PLXNA4: variants seen among roughly 807,000 people sequenced by gnomAD.
PLXNA4 encodes plexin-A4.
PLXNA4 carries 44 observed loss-of-function variants against 191.8 expected under a neutral mutation model. The observed-to-expected ratio is 0.23, with a 90% CI of 0.18 to 0.29. The LOEUF (loss-of-function observed/expected upper bound fraction) is 0.29. Ranked by LOEUF, PLXNA4 falls within the 10% of genes least tolerant of loss-of-function variation. The pLI, the probability that PLXNA4 is intolerant of heterozygous loss-of-function variation, is 1.00. For synonymous variants in PLXNA4, 1,082 were observed against 1,009.5 expected (o/e 1.07, Z -1.36); for missense variants, 1,800 against 2,488.8 (o/e 0.72, Z 5.89).
At chr7:132,411,396 T>C (rs147061993) in intron 3 of PLXNA4, among the ~76,000 whole-genome samples, 35 of 152,278 alleles carry the variant, frequency 2.3e-4, no homozygotes, top group Admixed American at 9.8e-4. Context: ...GACAAGACCA[T>C]AGCTGATGAA....
intron 3 of PLXNA4, among the ~76,000 whole-genome samples, chr7:132,392,076 T>C (rs1159815465): frequency 1.3e-5 from 2 of 151,602 alleles, no homozygotes; most frequent in Non-Finnish European, 2.9e-5. Context: ...TGCAGTGAGC[T>C]GAGATCACAC....
chr7:132,580,641 G>C (rs567299015), upstream of PLXNA4, among the ~76,000 whole-genome samples: 1 of 152,318 alleles, frequency 6.6e-6, no homozygotes, highest in South Asian at 2.1e-4. Context: ...AAAAGGACCA[G>C]TTTAATAGGA....
intron 3 of PLXNA4, among the ~76,000 whole-genome samples, chr7:132,341,201 A>T (rs1432396099): frequency 6.6e-6 from 1 of 152,200 alleles, no homozygotes; most frequent in Admixed American, 6.5e-5. Context: ...ACTAACACTG[A>T]ACAAGTTACT....
At position 132,449,578 on chromosome 7, in the gene PLXNA4, A is replaced by G. The variant is rs1396284045; in HGVS notation, c.1371+39714T>C. Among the ~76,000 whole-genome samples the G allele has an allele frequency of 3.9e-5, 6 of 152,246 alleles. No homozygotes were observed. In the East Asian group the frequency reaches 1.2e-3, roughly 29 times the overall value. On this transcript the variant is annotated intron_variant, in intron 3 of 31. Coordinates refer to ENST00000321063, the MANE Select transcript of PLXNA4 (RefSeq NM_020911.2). ...TACTCCCATAAAGGGGTGAGGAGGC[A>G]GAGGTACCTTATTTAGAAACCTGTC...
intron 2 of PLXNA4, among the ~76,000 whole-genome samples, chr7:132,605,215 G>C (rs142484407): frequency 1.3e-5 from 2 of 152,312 alleles, no homozygotes; most frequent in African/African-American, 2.4e-5. Context: ...GTTAGGAAAC[G>C]GCAGAGCTAA....
intron 2 of PLXNA4, among the ~76,000 whole-genome samples, chr7:132,597,425 T>C (rs551708918): frequency 5.9e-5 from 9 of 152,346 alleles, no homozygotes; most frequent in Middle Eastern, 3.4e-3. Context: ...ATGAAATATG[T>C]CTATGTCCTT....
chr7:132,179,603 T>G, intron 20 of PLXNA4, 84 bp downstream of exon 20: 1 of 1,536,278 alleles, frequency 6.5e-7, no homozygotes, highest in African/African-American at 1.4e-5. Flanking sequence ...ATGAAACATA[T>G]GCATACACAT....
At chr7:132,602,848 C>G (rs112115242) in intron 2 of PLXNA4, among the ~76,000 whole-genome samples, 4 of 152,108 alleles carry the variant, frequency 2.6e-5, no homozygotes, top group Non-Finnish European at 5.9e-5. Flanking sequence ...CTTCTCTACC[C>G]GTGGAAGAGT....
intron 4 of PLXNA4, among the ~76,000 whole-genome samples, chr7:132,273,126 T>C (rs1800138557): frequency 6.6e-6 from 1 of 152,172 alleles, no homozygotes. Flanking sequence ...CATAAAACGG[T>C]CATGAAGATG....
intron 3 of PLXNA4, among the ~76,000 whole-genome samples, chr7:132,337,458 C>T (rs1802862933): frequency 6.6e-6 from 1 of 152,208 alleles, no homozygotes; most frequent in Non-Finnish European, 1.5e-5. Flanking sequence ...TTGTTCAACA[C>T]AGGTGTGCAA....
chr7:132,503,060 G>A (rs1357727725), intron 2 of PLXNA4, among the ~76,000 whole-genome samples: 1 of 152,180 alleles, frequency 6.6e-6, no homozygotes, highest in Non-Finnish European at 1.5e-5. Flanking sequence ...CGCCTAATCA[G>A]TACTATGGCC....
At chr7:132,582,432 C>A (rs1802420126) in intron 2 of PLXNA4, among the ~76,000 whole-genome samples, 1 of 152,200 alleles carries the variant, frequency 6.6e-6, no homozygotes. Flanking sequence ...GGTATTCATG[C>A]CCTCATACAG....
chr7:132,556,390 C>T (rs1402753196), intron 1 of PLXNA4, among the ~76,000 whole-genome samples: 1 of 152,226 alleles, frequency 6.6e-6, no homozygotes, highest in African/African-American at 2.4e-5. Context: ...CAAAAACAGG[C>T]TGTATGGCTA....
chr7:132,552,606 C>T (rs529246449), intron 1 of PLXNA4, among the ~76,000 whole-genome samples: 3 of 152,224 alleles, frequency 2.0e-5, no homozygotes, highest in Non-Finnish European at 4.4e-5. Context: ...AGTCCTTCTG[C>T]AAGTGTGAGG....
In PLXNA4 at chr7:132,179,832, T is replaced by C. The variant is rs3734989; in HGVS notation, c.3729A>G (p.Ala1243=). The C allele has an allele frequency of 0.64, 1,026,052 of 1,612,576 alleles. 333,777 individuals carry two copies. The highest frequency in any genetic ancestry group is 0.93 in the African/African-American group (69,737 of 75,012). Residue 1243 remains alanine, a synonymous_variant, in exon 20 of 32, where the codon GCA becomes GCG. Coordinates refer to ENST00000321063, the MANE Select transcript of PLXNA4 (RefSeq NM_020911.2). ...AAATGATGAGGAGGCCGCCAGCCAC[T>C]GCGATGCTGACGATGGCGGGCAGGC... ...PLSLPAIVSI[A]VAGGLLIIFI...
At position 132,384,554 on chromosome 7, in the gene PLXNA4, C is replaced by T. The variant is rs548539046; in HGVS notation, c.1372-86332G>A. 5.7e-5 allele frequency: 56 copies of T among 987,840 alleles called. No homozygotes were observed. The East Asian group carries it at 5.0e-3, about 88-fold the overall frequency. 61.2% of individuals were successfully genotyped at this position (987,840 alleles called of 1,614,324 possible). On this transcript the variant is annotated intron_variant, in intron 3 of 31. Coordinates refer to ENST00000321063, the MANE Select transcript of PLXNA4 (RefSeq NM_020911.2). ...CACCAATTAACTTTTTTTGGGTGCT[C>T]TCCTGGACCAGATGCCAACAGAGCT...
chr7:132,343,031 T>C (rs1001337953), intron 3 of PLXNA4, among the ~76,000 whole-genome samples: 1 of 151,654 alleles, frequency 6.6e-6, no homozygotes, highest in Non-Finnish European at 1.5e-5. Flanking sequence ...CAGAAGTCCC[T>C]TTCCAAGATC....
chr7:132,563,146 TC>T (rs1563175604), intron 1 of PLXNA4, among the ~76,000 whole-genome samples: 1 of 76,918 alleles, frequency 1.3e-5, no homozygotes, highest in African/African-American at 4.8e-5. Flanking sequence ...CTTCTCCTCT[TC>T]CTCCTTCTCC....
intron 1 of PLXNA4, among the ~76,000 whole-genome samples, chr7:132,556,372 C>A (rs183715670): frequency 6.6e-6 from 1 of 152,224 alleles, no homozygotes; most frequent in Non-Finnish European, 1.5e-5. Flanking sequence ...AGGATCCACA[C>A]TGAGCTTCAA....
Sources: allele counts gnomAD v4.1 joint callset (sites outside exome capture counted in the v4.1 genomes callset), GRCh38; gene constraint gnomAD v4.1.1; transcripts MANE v1.5; gene names NCBI Gene and HGNC (gene_info 2026-07-23, HGNC 2026-07-21).